Variants in FNDC3B observed in about 807,000 individuals in gnomAD.
The protein encoded by FNDC3B is fibronectin type III domain-containing protein 3B.
A neutral mutation model predicts 151.5 loss-of-function variants in FNDC3B; 12 were observed. The observed-to-expected ratio is 0.08, with a 90% CI of 0.05 to 0.13. The LOEUF (loss-of-function observed/expected upper bound fraction) is 0.13. FNDC3B is among the 10% of genes least tolerant of loss of function. FNDC3B has a pLI of 1.00. For missense variants in FNDC3B, 1,214 were observed against 1,505.3 expected (o/e 0.81, Z 3.20); for synonymous variants, 528 against 549.0 (o/e 0.96, Z 0.54).
intron 3 of FNDC3B, among the ~76,000 whole-genome samples, chr3:172,192,386 C>T (rs994539065): frequency 5.9e-5 from 9 of 151,716 alleles, no homozygotes; most frequent in Admixed American, 2.0e-4. Context: ...AGGGTTTCAC[C>T]GTGTTAGCCA....
intron 9 of FNDC3B, among the ~76,000 whole-genome samples, chr3:172,300,516 T>TTGCACCC (rs1192851778): frequency 6.6e-6 from 1 of 152,172 alleles, no homozygotes; most frequent in African/African-American, 2.4e-5. Context: ...CACTTGCTCA[T>TTGCACCC]CAGCTATTTT....
chr3:172,204,997 G>A (rs1263483403), intron 3 of FNDC3B, among the ~76,000 whole-genome samples: 2 of 152,240 alleles, frequency 1.3e-5, no homozygotes, highest in Non-Finnish European at 2.9e-5. Context: ...AATGGAGAGA[G>A]ACGGGAAGGA....
chr3:172,187,994 C>CAA (rs34054673), intron 3 of FNDC3B, among the ~76,000 whole-genome samples: 120,378 of 147,018 alleles, frequency 0.82, 50,015 homozygotes, highest in African/African-American at 0.95. Context: ...TATATTTAAG[C>CAA]AGTTTTTTTT....
chr3:172,207,664 A>T (rs1206032405), intron 3 of FNDC3B, among the ~76,000 whole-genome samples: 1 of 152,086 alleles, frequency 6.6e-6, no homozygotes, highest in Non-Finnish European at 1.5e-5. Context: ...GGAGGTTCTC[A>T]CTCCCAGTAG....
chr3:172,360,430 T>C (rs1169546640), intron 22 of FNDC3B, among the ~76,000 whole-genome samples: 3 of 152,230 alleles, frequency 2.0e-5, no homozygotes, highest in Non-Finnish European at 4.4e-5. Context: ...TGCAAAAGTT[T>C]CAAATTTTGA....
intron 25 of FNDC3B, among the ~76,000 whole-genome samples, chr3:172,390,508 T>A (rs2108389460): frequency 6.6e-6 from 1 of 151,990 alleles, no homozygotes; most frequent in Admixed American, 6.6e-5. Context: ...CTAAACTGGG[T>A]TTCTGGGAAA....
chr3:172,152,760 T>C (rs1722297379), intron 3 of FNDC3B, among the ~76,000 whole-genome samples: 1 of 152,144 alleles, frequency 6.6e-6, no homozygotes, highest in South Asian at 2.1e-4. Flanking sequence ...ACAAATTAAA[T>C]GCTTAGGAAT....
chr3:172,302,676 C>T (rs1730975061), intron 9 of FNDC3B: 1 of 152,144 alleles, frequency 6.6e-6, no homozygotes, highest in Non-Finnish European at 1.5e-5. Flanking sequence ...ATTAAAATCA[C>T]TTTCATATTT....
intron 21 of FNDC3B, among the ~76,000 whole-genome samples, chr3:172,350,087 T>G (rs1733790594): frequency 6.6e-6 from 1 of 152,232 alleles, no homozygotes; most frequent in Non-Finnish European, 1.5e-5. Flanking sequence ...AGTATAAAAG[T>G]AGTACACAAT....
chr3:172,165,476 C>T (rs1249321262), intron 3 of FNDC3B, among the ~76,000 whole-genome samples: 1 of 152,098 alleles, frequency 6.6e-6, no homozygotes, highest in South Asian at 2.1e-4. Context: ...AATAGCTTTC[C>T]ATTTTTTTGT....
At chr3:172,341,047 C>A in intron 16 of FNDC3B, 66 bp from the exon 17 acceptor site, 1 of 1,033,080 alleles carries the variant, frequency 9.7e-7, no homozygotes, top group Non-Finnish European at 1.5e-6. Context: ...TTTTTCTTGT[C>A]AGCAATGGCT....
chr3:172,377,603 G>A (rs1475954417), intron 23 of FNDC3B, among the ~76,000 whole-genome samples: 1 of 152,180 alleles, frequency 6.6e-6, no homozygotes, highest in Non-Finnish European at 1.5e-5. Flanking sequence ...ATCCGATGGG[G>A]GAAGGAGCCA....
intron 9 of FNDC3B, among the ~76,000 whole-genome samples, 161 bp downstream of exon 9, chr3:172,298,948 T>C (rs1730769815): frequency 6.6e-6 from 1 of 152,212 alleles, no homozygotes; most frequent in Non-Finnish European, 1.5e-5. Context: ...GCATCGTAAC[T>C]GGGAAGACAC....
chr3:172,329,325 G>A (rs1732517895), intron 12 of FNDC3B: 1 of 392,218 alleles, frequency 2.5e-6, no homozygotes. Flanking sequence ...CAAGGTGAAG[G>A]TAGCAGTACA....
intron 3 of FNDC3B, among the ~76,000 whole-genome samples, chr3:172,182,473 G>A (rs1723962139): frequency 1.3e-5 from 2 of 152,188 alleles, no homozygotes; most frequent in Admixed American, 1.3e-4. Flanking sequence ...GACCTTACAG[G>A]TTATGTGTCT....
Position 172,329,001 on chromosome 3 carries a change from A to G in FNDC3B, c.1304A>G (p.His435Arg). ...CAGTGCTTCTTCGGGAGCCAGAAGCACTGCAAGTTGACAAAGCTTTGTCCG... is the reference window on the plus strand; with the variant it reads ...CAGTGCTTCTTCGGGAGCCAGAAGCGCTGCAAGTTGACAAAGCTTTGTCCG... ...FRQCFFGSQK[H>R]CKLTKLCPAM... is the part of the protein sequence containing the mutation. The change falls in exon 12 of 26, where the codon CAC (histidine) becomes CGC (arginine). Residue 435 changes from histidine to arginine, a missense_variant. By Grantham distance (29) the His-to-Arg change is conservative (BLOSUM62 0). This residue lies in a region of FNDC3B where 156 missense variants were observed against 225.3 expected (regional missense o/e 0.69). Coordinates refer to ENST00000415807, the MANE Select transcript of FNDC3B (RefSeq NM_022763.4). The G allele has an allele frequency of 6.2e-7, 1 of 1,613,844 alleles. No homozygotes were observed. Among genetic ancestry groups the G allele is most frequent in the Non-Finnish European group, 8.5e-7 (1 of 1,179,874 alleles).
intron 3 of FNDC3B, among the ~76,000 whole-genome samples, chr3:172,147,495 T>A (rs1721976336): frequency 6.6e-6 from 1 of 152,126 alleles, no homozygotes; most frequent in Non-Finnish European, 1.5e-5. Flanking sequence ...AGGAATCATT[T>A]TGTTGCTTGA....
chr3:172,118,604 T>A (rs1720377720), intron 2 of FNDC3B, among the ~76,000 whole-genome samples: 1 of 152,242 alleles, frequency 6.6e-6, no homozygotes, highest in African/African-American at 2.4e-5. Flanking sequence ...GCTCCTTTTG[T>A]GGCAGAATCC....
intron 23 of FNDC3B, among the ~76,000 whole-genome samples, chr3:172,364,110 A>G (rs1734491487): frequency 1.3e-5 from 2 of 152,202 alleles, no homozygotes; most frequent in South Asian, 4.1e-4. Context: ...TAGGTTCATG[A>G]AAGATTAAAT....
Sources: gnomAD v4.1 joint callset for allele counts (sites outside exome capture counted in the v4.1 genomes callset) on GRCh38, gnomAD v4.1.1 for gene constraint, gnomAD v4.1.1 regional missense constraint, MANE v1.5 for transcripts, NCBI Gene and HGNC (gene_info 2026-07-23, HGNC 2026-07-21) for gene names.